Variants in ASB5 observed in about 807,000 individuals in gnomAD.
ASB5 encodes the protein ankyrin repeat and SOCS box containing 5.
Under a neutral mutation model 42.1 loss-of-function variants are expected in ASB5, and 45 were observed. The observed-to-expected ratio is 1.07, with a 90% CI of 0.84 to 1.37. The LOEUF is 1.37. Ranked by LOEUF, ASB5 falls within the 40% of genes most tolerant of loss-of-function variation. The probability of loss-of-function intolerance (pLI) is 0.00; values close to 1 mark genes in which losing one functional copy is unlikely to be tolerated. For missense variants in ASB5, 402 were observed against 399.8 expected, an observed-to-expected ratio of 1.01 and a Z score of -0.05; for synonymous variants, 147 against 150.6, an observed-to-expected ratio of 0.98 and a Z score of 0.18.
chr4:176,256,716 A>G (rs1754164111), intron 1 of ASB5, among the ~76,000 whole-genome samples: 1 of 152,136 alleles, frequency 6.6e-6, no homozygotes, highest in South Asian at 2.1e-4. Flanking sequence ...AAGCAGGTGG[A>G]AGGCTTGACC....
At chr4:176,271,727 TA>T (rs1269578805), upstream of ASB5, among the ~76,000 whole-genome samples, 4 of 152,152 alleles carry the variant, frequency 2.6e-5, no homozygotes, top group Non-Finnish European at 5.9e-5. Context: ...TATTTCATCT[TA>T]GGGGGGTGAA....
Position 176,222,297 on chromosome 4 carries a change from T to C in ASB5, c.384+16A>G, listed in dbSNP as rs1325951896. On this transcript the variant is annotated intron_variant, in intron 3 of 6. Transcript: ENST00000296525. Reference sequence around the variant, plus strand: ...TCAGTAGATGTTAAATGATTAATGTTTTGAAAGGTACTTACATTAGCTCCT... The same window carrying C: ...TCAGTAGATGTTAAATGATTAATGTCTTGAAAGGTACTTACATTAGCTCCT... 6 of 1,580,962 alleles carry C rather than the reference T, an allele frequency of 3.8e-6. No individual in the cohort carries two copies. In the South Asian group the frequency reaches 6.6e-5, roughly 18 times the overall value.
chr4:176,265,951 G>GAGATGAA, intron 1 of ASB5, among the ~76,000 whole-genome samples: 1 of 152,266 alleles, frequency 6.6e-6, no homozygotes, highest in South Asian at 2.1e-4. Flanking sequence ...AAAGTCTTAA[G>GAGATGAA]AGATGAAAAG....
chr4:176,220,954 C>T (rs555246458), intron 5 of ASB5, among the ~76,000 whole-genome samples: 2 of 152,126 alleles, frequency 1.3e-5, no homozygotes, highest in South Asian at 2.1e-4. Flanking sequence ...GCTAGGAAGC[C>T]GACTTATCAA....
At chr4:176,222,282 T>A in intron 3 of ASB5, 31 bp downstream of exon 3, 1 of 1,550,304 alleles carries the variant, frequency 6.5e-7, no homozygotes, top group South Asian at 1.1e-5. Flanking sequence ...TCAGTAGATG[T>A]TAAATGATTA....
upstream of ASB5, among the ~76,000 whole-genome samples, chr4:176,270,106 G>T (rs1337713582): frequency 6.6e-6 from 1 of 152,030 alleles, no homozygotes; most frequent in Non-Finnish European, 1.5e-5. Flanking sequence ...AAGAGAAATA[G>T]AATAAATTAT....
chr4:176,241,469 T>G, intron 1 of ASB5: 2 of 1,535,380 alleles, frequency 1.3e-6, no homozygotes. Context: ...TACCTGTTAC[T>G]GCCAAATTTC....
At chr4:176,260,471 T>A (rs995087184) in intron 1 of ASB5, among the ~76,000 whole-genome samples, 1 of 152,194 alleles carries the variant, frequency 6.6e-6, no homozygotes, top group African/African-American at 2.4e-5. Context: ...ACAGACCACC[T>A]GGAAGATTCT....
At chr4:176,231,659 C>G (rs1025601427) in intron 1 of ASB5, among the ~76,000 whole-genome samples, 1 of 101,898 alleles carries the variant, frequency 9.8e-6, no homozygotes, top group African/African-American at 3.9e-5. Flanking sequence ...CTTGTCTCTG[C>G]AAAAAAAAAA....
chr4:176,258,594 C>G (rs1328399413), intron 1 of ASB5, among the ~76,000 whole-genome samples: 2 of 152,116 alleles, frequency 1.3e-5, no homozygotes, highest in Non-Finnish European at 2.9e-5. Context: ...AGTCTCTAGT[C>G]AAGTATTTGG....
At chr4:176,231,450 G>A (rs1753541338) in intron 1 of ASB5, among the ~76,000 whole-genome samples, 1 of 151,544 alleles carries the variant, frequency 6.6e-6, no homozygotes, top group African/African-American at 2.4e-5. Flanking sequence ...TCTCCTTACA[G>A]TATGTGCCCT....
chr4:176,217,863 G>A (rs72706380), intron 5 of ASB5, among the ~76,000 whole-genome samples: 38 of 151,906 alleles, frequency 2.5e-4, no homozygotes, highest in Non-Finnish European at 3.7e-4. Flanking sequence ...TCTGTTTTCC[G>A]ATACTATCTT....
At position 176,217,800 on chromosome 4, in the gene ASB5, C is replaced by T. The variant is rs772444013; in HGVS notation, c.671-791G>A. On this transcript the variant is annotated intron_variant, in intron 5 of 6. Coordinates refer to ENST00000296525, the MANE Select transcript of ASB5 (RefSeq NM_080874.4). ...ACCATCCCATTTTCTGGTACATAAA[C>T]GGTTACAATACCAGAAATGTCTACC... Among the ~76,000 whole-genome samples the T allele has an allele frequency of 3.2e-4, 49 of 152,078 alleles. 1 individual carries two copies. The highest frequency in any genetic ancestry group is 1.3e-4 in the Non-Finnish European group (9 of 67,928).
chr4:176,269,644 T>A (rs79001630), upstream of ASB5, among the ~76,000 whole-genome samples: 2 of 152,002 alleles, frequency 1.3e-5, no homozygotes, highest in African/African-American at 4.8e-5. Context: ...TTTACTGATT[T>A]AAAAAAACAT....
At chr4:176,246,745 T>C (rs1170677882) in intron 1 of ASB5, among the ~76,000 whole-genome samples, 1 of 152,178 alleles carries the variant, frequency 6.6e-6, no homozygotes, top group Non-Finnish European at 1.5e-5. Flanking sequence ...GACGTGATGG[T>C]TAATGACAGA....
chr4:176,250,051 T>C (rs1380033962), intron 1 of ASB5, among the ~76,000 whole-genome samples: 22 of 132,042 alleles, frequency 1.7e-4, no homozygotes, highest in South Asian at 2.4e-4. Context: ...GGTGACAGAG[T>C]GAGACTCCAT....
chr4:176,254,660 A>G (rs1370846126), intron 1 of ASB5, among the ~76,000 whole-genome samples: 3 of 152,222 alleles, frequency 2.0e-5, no homozygotes, highest in East Asian at 1.9e-4. Flanking sequence ...CATCTAACAA[A>G]AAGGTCTAAT....
chr4:176,275,596 G>A (rs910671008), intron 2 of ASB5, among the ~76,000 whole-genome samples: 4 of 152,120 alleles, frequency 2.6e-5, no homozygotes, highest in African/African-American at 4.8e-5. Flanking sequence ...AGCTCCCTAC[G>A]ATCCCATAGA....
At chr4:176,260,902 C>T (rs1193725498) in intron 1 of ASB5, among the ~76,000 whole-genome samples, 1 of 152,160 alleles carries the variant, frequency 6.6e-6, no homozygotes, top group Non-Finnish European at 1.5e-5. Flanking sequence ...GTCTCAATCT[C>T]CTGACCTCGT....
Sources: allele counts gnomAD v4.1 joint callset (sites outside exome capture counted in the v4.1 genomes callset), GRCh38; gene constraint gnomAD v4.1.1; transcripts MANE v1.5; gene names NCBI Gene and HGNC (gene_info 2026-07-23, HGNC 2026-07-21).